Variants in TMEFF1 observed in about 807,000 individuals in gnomAD.
TMEFF1 encodes transmembrane protein with EGF like and two follistatin like domains 1.
A neutral mutation model predicts 47.5 loss-of-function variants in TMEFF1; 20 were observed. That is an observed-to-expected ratio of 0.42 (90% confidence interval 0.30 to 0.61). The LOEUF (loss-of-function observed/expected upper bound fraction) is 0.61. TMEFF1 is among the 20% of genes least tolerant of loss of function. TMEFF1 has a pLI of 0.19. For missense variants in TMEFF1, 411 were observed against 471.1 expected (o/e 0.87, Z 1.18); for synonymous variants, 162 against 166.3 (o/e 0.97, Z 0.20).
At chr9:100,509,685 A>G (rs1441082675) in intron 3 of TMEFF1, among the ~76,000 whole-genome samples, 2 of 151,874 alleles carry the variant, frequency 1.3e-5, no homozygotes, top group African/African-American at 4.8e-5. Context: ...GAGGCAGGAG[A>G]ATGGCGTGAA....
chr9:100,526,579 T>A (rs992872359), intron 5 of TMEFF1, among the ~76,000 whole-genome samples: 15 of 152,178 alleles, frequency 9.9e-5, no homozygotes, highest in Non-Finnish European at 1.8e-4. Flanking sequence ...TAGAGCACTT[T>A]ACTTTTATAA....
At chr9:100,574,102 C>A (rs1298374584) in intron 9 of TMEFF1, among the ~76,000 whole-genome samples, 3 of 152,216 alleles carry the variant, frequency 2.0e-5, no homozygotes, top group Non-Finnish European at 2.9e-5. Flanking sequence ...CATGTTGAGT[C>A]ATCTTGGGAA....
chr9:100,538,892 A>G (rs943333594), intron 5 of TMEFF1, among the ~76,000 whole-genome samples: 4 of 151,920 alleles, frequency 2.6e-5, no homozygotes, highest in African/African-American at 9.7e-5. Context: ...ATTTTCTGGT[A>G]TACACGAGTA....
Position 100,540,174 on chromosome 9 carries a change from T to C in TMEFF1, c.561-7570T>C, listed in dbSNP as rs13287625. Among the ~76,000 whole-genome samples the C allele has an allele frequency of 5.9e-3, 901 of 151,944 alleles. 7 individuals are homozygous for C. Among genetic ancestry groups the C allele is most frequent in the Non-Finnish European group, 0.01 (694 of 67,966 alleles). ...ACAATCCTTTAGCTGGACATAAAAG[T>C]TCTCCAAGTCCCCACCCGATCTTTA... On this transcript the variant is annotated intron_variant, in intron 5 of 9. Transcript: ENST00000374879.
intron 1 of TMEFF1, among the ~76,000 whole-genome samples, chr9:100,481,542 C>T (rs1837338211): frequency 6.6e-6 from 1 of 152,180 alleles, no homozygotes. Context: ...TATGCCACCA[C>T]ATTAAGGTCT....
chr9:100,542,332 C>T (rs1048525383), intron 5 of TMEFF1, among the ~76,000 whole-genome samples: 1 of 152,168 alleles, frequency 6.6e-6, no homozygotes, highest in African/African-American at 2.4e-5. Context: ...TTTAACCACA[C>T]AGAGCACTGT....
At chr9:100,575,213 G>A (rs1839327821) in intron 9 of TMEFF1, among the ~76,000 whole-genome samples, 1 of 152,120 alleles carries the variant, frequency 6.6e-6, no homozygotes, top group South Asian at 2.1e-4. Flanking sequence ...CTGTCACATG[G>A]GAGGAATCTT....
At chr9:100,525,860 A>G (rs558338110) in intron 5 of TMEFF1, among the ~76,000 whole-genome samples, 85 of 152,370 alleles carry the variant, frequency 5.6e-4, no homozygotes, top group African/African-American at 2.0e-3. Flanking sequence ...AACAAAGACC[A>G]TGAATACTTA....
intron 8 of TMEFF1, among the ~76,000 whole-genome samples, chr9:100,567,726 G>C (rs1304471479): frequency 6.6e-6 from 1 of 152,188 alleles, no homozygotes; most frequent in Non-Finnish European, 1.5e-5. Flanking sequence ...AGTAACAGAA[G>C]AAGAAGTAAT....
At chr9:100,569,531 A>C (rs554021576) in intron 8 of TMEFF1, among the ~76,000 whole-genome samples, 3 of 151,268 alleles carry the variant, frequency 2.0e-5, no homozygotes, top group Non-Finnish European at 4.4e-5. Flanking sequence ...AAAAGATTTT[A>C]ATTTTGATTT....
chr9:100,576,618 G>A lies in TMEFF1; in HGVS notation c.*18G>A. 6.3e-7 allele frequency: 1 copy of A among 1,593,828 alleles called. No individual in the cohort carries two copies. The highest frequency in any genetic ancestry group is 8.5e-7 in the Non-Finnish European group (1 of 1,173,766). Reference sequence around the variant, plus strand: ...TGGTTTAAACTGATGACTTTTATATGTACACTGACCATGTGATGTACATTT... The same window carrying A: ...TGGTTTAAACTGATGACTTTTATATATACACTGACCATGTGATGTACATTT... On this transcript the variant is annotated 3_prime_UTR_variant, in exon 10 of 10. Transcript: ENST00000374879.
At chr9:100,481,029 C>T (rs997972582) in intron 1 of TMEFF1, among the ~76,000 whole-genome samples, 2 of 152,156 alleles carry the variant, frequency 1.3e-5, no homozygotes, top group Non-Finnish European at 2.9e-5. Context: ...TTGCCTGAGG[C>T]CTTTGCTGTT....
chr9:100,534,737 T>C (rs1838470631), intron 5 of TMEFF1, among the ~76,000 whole-genome samples: 1 of 152,214 alleles, frequency 6.6e-6, no homozygotes, highest in Non-Finnish European at 1.5e-5. Flanking sequence ...ACTGTCTTTT[T>C]CATACATTTG....
chr9:100,525,797 G>C (rs974370491), intron 5 of TMEFF1, among the ~76,000 whole-genome samples: 3 of 152,048 alleles, frequency 2.0e-5, no homozygotes, highest in Admixed American at 6.5e-5. Flanking sequence ...TAGAATATAA[G>C]AACTCTCCTA....
intron 2 of TMEFF1, among the ~76,000 whole-genome samples, chr9:100,504,159 A>G (rs1007340068): frequency 3.9e-5 from 6 of 152,222 alleles, no homozygotes; most frequent in African/African-American, 1.4e-4. Flanking sequence ...AAGGGTGGCA[A>G]TATAGAGGAG....
chr9:100,572,759 A>G (rs1170316099), intron 9 of TMEFF1, 83 bp downstream of exon 9: 87 of 1,451,088 alleles, frequency 6.0e-5, no homozygotes, highest in Non-Finnish European at 7.6e-5. Context: ...CCACCAGTCT[A>G]TTAGGAAAAA....
intron 5 of TMEFF1, among the ~76,000 whole-genome samples, chr9:100,535,808 C>A (rs185122275): frequency 1.3e-5 from 2 of 152,284 alleles, no homozygotes; most frequent in African/African-American, 4.8e-5. Context: ...AGAAGAAAAT[C>A]TGTTAACTTT....
At chr9:100,518,245 A>G (rs980216643) in intron 5 of TMEFF1, among the ~76,000 whole-genome samples, 2 of 152,136 alleles carry the variant, frequency 1.3e-5, no homozygotes, top group Admixed American at 6.6e-5. Flanking sequence ...GGTGGGAGGA[A>G]TGCTTGAGGC....
Position 100,528,604 on chromosome 9 carries a change from T to C in TMEFF1, c.560+11833T>C, listed in dbSNP as rs1312952798. 2.2e-5 allele frequency among the ~76,000 whole-genome samples: 3 copies of C among 135,740 alleles called. No individual in the cohort carries two copies. The East Asian group carries it at 6.3e-4, about 28-fold the overall frequency. 89.1% of individuals were successfully genotyped at this position (135,740 alleles called of 152,430 possible). On this transcript the variant is annotated intron_variant, in intron 5 of 9. Transcript: ENST00000374879. The stretch of plus-strand genomic sequence containing the variant: ...TATGGGACTATGTGAAAAGACCAAA[T>C]CTACGTCTGATTGGTGTACCTGAAA...
Sources: gnomAD v4.1 joint callset for allele counts (sites outside exome capture counted in the v4.1 genomes callset) on GRCh38, gnomAD v4.1.1 for gene constraint, MANE v1.5 for transcripts, NCBI Gene and HGNC (gene_info 2026-07-23, HGNC 2026-07-21) for gene names.